Variants in KIAA1217 observed in about 807,000 individuals in gnomAD.
KIAA1217 encodes the protein KIAA1217.
In KIAA1217, 88 loss-of-function variants were observed where a neutral mutation model predicts 163.9. The observed-to-expected ratio is 0.54, with a 90% confidence interval of 0.45 to 0.64. The LOEUF is 0.64. KIAA1217 is among the 30% of genes least tolerant of loss of function. KIAA1217 has a pLI of 0.00. For missense variants in KIAA1217, 2,372 were observed against 2,475.0 expected (o/e 0.96, Z 0.88); for synonymous variants, 903 against 923.1 (o/e 0.98, Z 0.39).
At chr10:24,505,696 C>T (rs1012312248) in intron 9 of KIAA1217, among the ~76,000 whole-genome samples, 1 of 151,990 alleles carries the variant, frequency 6.6e-6, no homozygotes, top group Non-Finnish European at 1.5e-5. Context: ...TATTCTGCTT[C>T]CTGATAAATA....
intron 2 of KIAA1217, among the ~76,000 whole-genome samples, chr10:24,080,298 T>A (rs1261460714): frequency 6.6e-6 from 1 of 152,128 alleles, no homozygotes; most frequent in African/African-American, 2.4e-5. Flanking sequence ...CTGTAAGCTG[T>A]TTGGTTGTTT....
At chr10:24,078,538 GGCAAA>G (rs1181692536) in intron 2 of KIAA1217, among the ~76,000 whole-genome samples, 1 of 152,170 alleles carries the variant, frequency 6.6e-6, no homozygotes, top group Non-Finnish European at 1.5e-5. Flanking sequence ...CTGATGTGTG[GGCAAA>G]TACTTGGGCC....
In KIAA1217 at chr10:24,452,704, ATGAATGAGACCTAG is replaced by A. The variant is rs561642047; in HGVS notation, c.846+14227_846+14240del. ...CAAAAAAAAAAAAAAAAAAAATAGA[ATGAATGAGACCTAG>A]TATTTGCTAGCACAACAGAATGCCT... On this transcript the variant is annotated intron_variant, in intron 5 of 20. Coordinates refer to ENST00000376454, the MANE Select transcript of KIAA1217 (RefSeq NM_019590.5). Among the ~76,000 whole-genome samples the A allele has an allele frequency of 9.1e-4, 138 of 151,466 alleles. 1 individual carries two copies. Among genetic ancestry groups the A allele is most frequent in the Admixed American group, 8.5e-3 (128 of 15,140 alleles).
intron 2 of KIAA1217, among the ~76,000 whole-genome samples, chr10:24,013,715 T>A (rs144823947): frequency 1.3e-5 from 2 of 152,254 alleles, no homozygotes; most frequent in Non-Finnish European, 2.9e-5. Context: ...ATAGACTGGA[T>A]GAGAATCCAA....
At chr10:24,288,319 G>C (rs2078756648) in intron 2 of KIAA1217, among the ~76,000 whole-genome samples, 1 of 152,136 alleles carries the variant, frequency 6.6e-6, no homozygotes, top group Non-Finnish European at 1.5e-5. Flanking sequence ...TATGATTTTG[G>C]TGAATTTAAG....
chr10:23,940,369 A>G (rs1843708350), intron 1 of KIAA1217, among the ~76,000 whole-genome samples: 1 of 147,698 alleles, frequency 6.8e-6, no homozygotes, highest in African/African-American at 2.5e-5. Context: ...CTGAAGCAGG[A>G]GAATCATTTG....
intron 9 of KIAA1217, among the ~76,000 whole-genome samples, chr10:24,507,585 C>T (rs1382492082): frequency 1.3e-5 from 2 of 152,004 alleles, no homozygotes; most frequent in Non-Finnish European, 2.9e-5. Context: ...GGAAACTGTT[C>T]AAACTGAAGT....
chr10:24,337,625 CTTTTCTTTTCTTTTCTTTTCTTTTCTT>C, intron 2 of KIAA1217, among the ~76,000 whole-genome samples: 1 of 60,056 alleles, frequency 1.7e-5, no homozygotes, highest in South Asian at 5.5e-4. Context: ...CTTTTCTTTT[CTTTTCTTTTCTTTTCTTTTCTTTTCTT>C]TTTTTTTTTT....
intron 1 of KIAA1217, among the ~76,000 whole-genome samples, chr10:23,858,702 T>C (rs569058866): frequency 4.6e-5 from 7 of 152,264 alleles, no homozygotes; most frequent in African/African-American, 1.4e-4. Flanking sequence ...CCTCACTGAT[T>C]GCCACTGAAA....
intron 2 of KIAA1217, among the ~76,000 whole-genome samples, chr10:24,308,787 ATGC>A (rs1054865121): frequency 1.3e-5 from 2 of 152,110 alleles, no homozygotes; most frequent in African/African-American, 2.4e-5. Context: ...CTTCTACTTG[ATGC>A]AATGACTGGC....
chr10:24,312,524 CAGG>C (rs1481116885), intron 2 of KIAA1217, among the ~76,000 whole-genome samples: 1 of 152,052 alleles, frequency 6.6e-6, no homozygotes, highest in Non-Finnish European at 1.5e-5. Context: ...GAGGCTGAGG[CAGG>C]AGAATTCCTT....
chr10:24,498,019 A>G (rs1454946007), intron 8 of KIAA1217, among the ~76,000 whole-genome samples: 1 of 152,164 alleles, frequency 6.6e-6, no homozygotes, highest in African/African-American at 2.4e-5. Context: ...AGAGACAGAA[A>G]GAGCTTTGTG....
At chr10:23,982,527 G>GTTTC (rs1845809695) in intron 1 of KIAA1217, among the ~76,000 whole-genome samples, 1 of 65,238 alleles carries the variant, frequency 1.5e-5, no homozygotes, top group Admixed American at 1.7e-4. Context: ...TCTGTTTTTT[G>GTTTC]TTTCTCTCTC....
intron 2 of KIAA1217, among the ~76,000 whole-genome samples, chr10:24,101,358 A>C (rs2062407423): frequency 6.6e-6 from 1 of 152,094 alleles, no homozygotes; most frequent in African/African-American, 2.4e-5. Context: ...AAATTGTCTA[A>C]GACATTTAAA....
chr10:24,372,746 C>A (rs17506144), intron 2 of KIAA1217, among the ~76,000 whole-genome samples: 29,067 of 151,996 alleles, frequency 0.19, 3,295 homozygotes, highest in Non-Finnish European at 0.26. Flanking sequence ...TAAATTATAC[C>A]CCAAAATTCC....
chr10:24,091,427 T>A (rs1426394202), intron 2 of KIAA1217, among the ~76,000 whole-genome samples: 1 of 151,998 alleles, frequency 6.6e-6, no homozygotes, highest in East Asian at 1.9e-4. Context: ...TACTCATTAA[T>A]GAGTCAGAGG....
intron 2 of KIAA1217, among the ~76,000 whole-genome samples, chr10:24,302,026 C>T (rs1321296804): frequency 1.3e-5 from 2 of 152,132 alleles, no homozygotes; most frequent in Non-Finnish European, 2.9e-5. Context: ...GCCTGGGCGA[C>T]AGATTAAGAC....
intron 2 of KIAA1217, among the ~76,000 whole-genome samples, chr10:24,291,176 C>T (rs531178277): frequency 4.7e-4 from 71 of 152,280 alleles, no homozygotes; most frequent in Non-Finnish European, 7.4e-4. Flanking sequence ...CCCATATAAG[C>T]ATGGGCTATC....
chr10:23,771,685 C>T (rs1357844097), intron 1 of KIAA1217, among the ~76,000 whole-genome samples: 5 of 152,194 alleles, frequency 3.3e-5, no homozygotes, highest in Non-Finnish European at 5.9e-5. Context: ...TGATACAACA[C>T]TTCCACCATT....
Sources: gnomAD v4.1 joint callset for allele counts (sites outside exome capture counted in the v4.1 genomes callset) on GRCh38, gnomAD v4.1.1 for gene constraint, MANE v1.5 for transcripts, NCBI Gene and HGNC (gene_info 2026-07-23, HGNC 2026-07-21) for gene names.